The following ZNF608 variants were observed in gnomAD, a reference collection of about 807,000 sequenced individuals.
The protein encoded by ZNF608 is renal carcinoma antigen NY-REN-36.
A neutral mutation model predicts 109.0 loss-of-function variants in ZNF608; 12 were observed. The observed-to-expected ratio is 0.11, with a 90% CI of 0.07 to 0.18. The LOEUF (loss-of-function observed/expected upper bound fraction) is 0.18, where lower values mean the gene tolerates loss of function less well. ZNF608 is among the 10% of genes least tolerant of loss of function. The pLI is 1.00. For missense variants in ZNF608, 1,707 were observed against 1,879.3 expected, an observed-to-expected ratio of 0.91 and a Z score of 1.70; for synonymous variants, 732 against 717.4, an observed-to-expected ratio of 1.02 and a Z score of -0.33.
intron 2 of ZNF608, among the ~76,000 whole-genome samples, chr5:124,717,499 T>C (rs938844283): frequency 6.6e-6 from 1 of 152,180 alleles, no homozygotes; most frequent in Non-Finnish European, 1.5e-5. Flanking sequence ...ATTCATTTTT[T>C]AAAAATCACA....
chr5:124,728,178 C>T (rs370822468), intron 2 of ZNF608, among the ~76,000 whole-genome samples: 1 of 152,104 alleles, frequency 6.6e-6, no homozygotes, highest in African/African-American at 2.4e-5. Flanking sequence ...TAGACCAGTC[C>T]CTACCTTTGA....
chr5:124,726,662 TAAA>T (rs142658513), intron 2 of ZNF608, among the ~76,000 whole-genome samples: 13,883 of 135,518 alleles, frequency 0.1, 1,262 homozygotes, highest in African/African-American at 0.24. Context: ...AAGATTTGTT[TAAA>T]AAAAAAAAAA....
rs1319236331 is a variant in ZNF608 at position 124,637,491 on chromosome 5, T to C, written c.*409A>G. ...TCAGGCACACTGATACATAACATTA[T>C]TTATTTACAATTTTAAAGGAAAAGG... On this transcript the variant is annotated 3_prime_UTR_variant, in exon 10 of 10. Transcript: ENST00000513986. 1 of 152,648 alleles carries C rather than the reference T, an allele frequency of 6.6e-6. No individual in the cohort carries two copies. Among genetic ancestry groups the C allele is most frequent in the Non-Finnish European group, 1.5e-5 (1 of 68,066 alleles). 9.5% of individuals were successfully genotyped at this position (152,648 alleles called of 1,614,324 possible). A position where few individuals can be genotyped will look rare whatever the true frequency, so the allele number is the denominator to read the frequency against.
At chr5:124,731,367 C>T (rs1403274488) in intron 2 of ZNF608, among the ~76,000 whole-genome samples, 2 of 152,142 alleles carry the variant, frequency 1.3e-5, no homozygotes, top group African/African-American at 4.8e-5. Flanking sequence ...CGAACCACCA[C>T]ACCTGGCTAA....
intron 2 of ZNF608, among the ~76,000 whole-genome samples, chr5:124,713,865 AAAAGT>A: frequency 6.6e-6 from 1 of 152,334 alleles, no homozygotes; most frequent in Non-Finnish European, 1.5e-5. Context: ...AGGAGATTTT[AAAAGT>A]AAACATATAG....
intron 8 of ZNF608, 109 bp downstream of exon 8, chr5:124,641,143 G>A (rs1750215955): frequency 7.2e-7 from 1 of 1,397,774 alleles, no homozygotes; most frequent in Non-Finnish European, 1.0e-6. Context: ...ACCCTCCTGA[G>A]AGCTAATGTG....
upstream of ZNF608, among the ~76,000 whole-genome samples, chr5:124,747,361 T>C (rs933368184): frequency 6.6e-6 from 1 of 151,748 alleles, no homozygotes; most frequent in African/African-American, 2.4e-5. Context: ...AAAGCAGTAA[T>C]GAATTGTTGA....
intron 8 of ZNF608, among the ~76,000 whole-genome samples, chr5:124,640,547 C>T (rs966238985): frequency 6.6e-6 from 1 of 152,186 alleles, no homozygotes; most frequent in African/African-American, 2.4e-5. Flanking sequence ...GCCTCCAGAA[C>T]TGTGAGAAAA....
At chr5:124,645,391 C>G (rs34706980) in intron 5 of ZNF608, among the ~76,000 whole-genome samples, 30,256 of 152,154 alleles carry the variant, frequency 0.2, 3,489 homozygotes, top group African/African-American at 0.32. Flanking sequence ...AGTGGGGAAA[C>G]TGAGAATCCT....
Position 124,701,070 on chromosome 5 carries a change from C to T in ZNF608, c.1106G>A (p.Cys369Tyr). Residue 369 changes from cysteine (C) to tyrosine (Y), a missense_variant, in exon 3 of 10, where the codon TGT (cysteine) becomes TAT (tyrosine). By Grantham distance (194) the Cys-to-Tyr change is radical (BLOSUM62 -2). Transcript: ENST00000513986. ...VVTEPECLGPCEPGTSVNLEG... is the reference protein window; with the variant it reads ...VVTEPECLGPYEPGTSVNLEG... ...CAAATTCACACTGGTCCCAGGTTCA[C>T]AGGGCCCAAGACACTCTGGCTCTGT... 6.2e-7 allele frequency: 1 copy of T among 1,614,162 alleles called. No homozygotes were observed. The highest frequency in any genetic ancestry group is 8.5e-7 in the Non-Finnish European group (1 of 1,180,012).
rs964231626 is a variant in ZNF608, at chr5:124,643,418, C to T, written c.4296+93G>A. ...AGCATCCTGAAATCACAGCTGGGTT[C>T]CGAAACCATTTATATTTCAAGACTG... On this transcript the variant is annotated intron_variant, in intron 7 of 9. Coordinates refer to ENST00000513986, the MANE Select transcript of ZNF608 (RefSeq NM_020747.3). 7 of 1,267,304 alleles carry T rather than the reference C, an allele frequency of 5.5e-6. No individual in the cohort carries two copies. The African/African-American group carries it at 7.4e-5, about 13-fold the overall frequency. 78.5% of individuals were successfully genotyped at this position (1,267,304 alleles called of 1,614,324 possible).
At chr5:124,650,903 A>G (rs925817087) in intron 3 of ZNF608, among the ~76,000 whole-genome samples, 2 of 152,246 alleles carry the variant, frequency 1.3e-5, no homozygotes, top group African/African-American at 4.8e-5. Context: ...GAAACCTGAC[A>G]AGGTAAGACT....
intron 2 of ZNF608, among the ~76,000 whole-genome samples, chr5:124,715,395 A>C (rs547256564): frequency 6.6e-6 from 1 of 152,358 alleles, no homozygotes; most frequent in South Asian, 2.1e-4. Context: ...ATATCCAAGT[A>C]CAAGCACCCC....
Position 124,648,685 on chromosome 5 carries a change from T to C in ZNF608, c.1699A>G (p.Ile567Val). Reference protein sequence around the residue: ...HPNCNKKYKHINGLRYHQAHA... With the variant: ...HPNCNKKYKHVNGLRYHQAHA... Reference sequence around the variant, plus strand: ...GCCTGGTGGTACCTCAGGCCGTTAATGTGCTTGTACTTTTTGTTGCAGTTT... The same window carrying C: ...GCCTGGTGGTACCTCAGGCCGTTAACGTGCTTGTACTTTTTGTTGCAGTTT... The change falls in exon 5 of 10, where the codon ATT (isoleucine) becomes GTT (valine). Residue 567 changes from isoleucine to valine, a missense_variant. Ile to Val is a conservative substitution (Grantham distance 29, BLOSUM62 3). This residue lies in a region of ZNF608 where 22 missense variants were observed against 52.2 expected (regional missense o/e 0.42). Transcript: ENST00000513986. The C allele has an allele frequency of 1.2e-6, 2 of 1,614,226 alleles. No individual in the cohort carries two copies. The highest frequency in any genetic ancestry group is 2.2e-5 in the East Asian group (1 of 44,878).
intron 2 of ZNF608, among the ~76,000 whole-genome samples, chr5:124,706,694 C>CA (rs1445030897): frequency 6.6e-6 from 1 of 151,792 alleles, no homozygotes; most frequent in African/African-American, 2.4e-5. Context: ...TATTAGAACC[C>CA]AAAAAAAGAG....
intron 2 of ZNF608, among the ~76,000 whole-genome samples, chr5:124,707,032 C>G (rs1305965889): frequency 6.6e-6 from 1 of 152,082 alleles, no homozygotes; most frequent in African/African-American, 2.4e-5. Context: ...GCAGGGAAAC[C>G]CTGGCAATAT....
At chr5:124,716,037 G>A (rs913145507) in intron 2 of ZNF608, among the ~76,000 whole-genome samples, 2 of 151,778 alleles carry the variant, frequency 1.3e-5, no homozygotes, top group East Asian at 1.9e-4. Flanking sequence ...CAGCTACTGG[G>A]GAGGCTGAGG....
chr5:124,728,445 G>A (rs1270581340), intron 2 of ZNF608, among the ~76,000 whole-genome samples: 1 of 152,096 alleles, frequency 6.6e-6, no homozygotes, highest in Non-Finnish European at 1.5e-5. Context: ...CATGCTGCTG[G>A]CAATAATAAT....
In ZNF608 at chr5:124,685,244, C is replaced by G. The variant is rs561356262; in HGVS notation, c.1162+15770G>C. Among the ~76,000 whole-genome samples, 3 of 149,884 alleles carry G rather than the reference C, an allele frequency of 2.0e-5. No homozygotes were observed. In the South Asian group the frequency reaches 6.2e-4, roughly 31 times the overall value. On this transcript the variant is annotated intron_variant, in intron 3 of 9. Transcript: ENST00000513986. ...GTGAGTTTAATGTTTTCATTTTGGGCTCTAATCAATCTTATTATGCCTACC... is the reference window on the plus strand; with the variant it reads ...GTGAGTTTAATGTTTTCATTTTGGGGTCTAATCAATCTTATTATGCCTACC...
Sources: allele counts gnomAD v4.1 joint callset (sites outside exome capture counted in the v4.1 genomes callset), GRCh38; gene constraint gnomAD v4.1.1; regional missense constraint gnomAD v4.1.1; transcripts MANE v1.5; gene names NCBI Gene and HGNC (gene_info 2026-07-23, HGNC 2026-07-21).